ZSWIM6: variants seen among roughly 807,000 people sequenced by gnomAD.
The protein encoded by ZSWIM6 is zinc finger SWIM-type containing 6, also known as zinc finger SWIM domain-containing protein 6.
ZSWIM6 carries 9 observed loss-of-function variants against 113.2 expected under a neutral mutation model. The observed-to-expected ratio is 0.08, with a 90% CI of 0.05 to 0.14. The LOEUF is 0.14. ZSWIM6 is among the 10% of genes least tolerant of loss of function. The pLI is 1.00. For missense variants in ZSWIM6, 1,162 were observed against 1,552.2 expected, an observed-to-expected ratio of 0.75 and a Z score of 4.22; for synonymous variants, 611 against 606.5, an observed-to-expected ratio of 1.01 and a Z score of -0.11.
At chr5:61,382,458 C>T (rs115114130) in intron 1 of ZSWIM6, among the ~76,000 whole-genome samples, 2 of 152,190 alleles carry the variant, frequency 1.3e-5, no homozygotes, top group African/African-American at 4.8e-5. Context: ...TTAATAATTT[C>T]TTCAGTTTTC....
In ZSWIM6 at chr5:61,515,537, G is replaced by A. The variant is rs138188807; in HGVS notation, c.1334-5726G>A. ...CCTTTTATCAGAAACCTACTCCTGC[G>A]ATAACTGACCCACTCCCACCATAAC... On this transcript the variant is annotated intron_variant, in intron 4 of 13. Transcript: ENST00000252744. Among the ~76,000 whole-genome samples, 11 of 152,132 alleles carry A rather than the reference G, an allele frequency of 7.2e-5. No individual in the cohort carries two copies. In the East Asian group the frequency reaches 1.5e-3, roughly 21 times the overall value.
chr5:61,377,566 A>T (rs1047304201), intron 1 of ZSWIM6, among the ~76,000 whole-genome samples: 1 of 152,138 alleles, frequency 6.6e-6, no homozygotes, highest in African/African-American at 2.4e-5. Context: ...AAAAACAAAA[A>T]ATTAGCCGGG....
At chr5:61,350,724 G>A (rs911509787) in intron 1 of ZSWIM6, among the ~76,000 whole-genome samples, 3 of 152,202 alleles carry the variant, frequency 2.0e-5, no homozygotes, top group Admixed American at 6.5e-5. Context: ...AGATACCTGA[G>A]CCATTAGGAG....
chr5:61,498,412 C>A (rs1423083887), intron 4 of ZSWIM6, among the ~76,000 whole-genome samples: 1 of 152,196 alleles, frequency 6.6e-6, no homozygotes, highest in Non-Finnish European at 1.5e-5. Context: ...TCTCAGAGTT[C>A]TTTTCACGGC....
intron 2 of ZSWIM6, among the ~76,000 whole-genome samples, chr5:61,475,006 G>GCA (rs200056262): frequency 0.015 from 2,272 of 152,256 alleles, 65 homozygotes; most frequent in African/African-American, 0.052. Flanking sequence ...CCCTCCAAAA[G>GCA]CACATGTATT....
chr5:61,348,252 A>G lies in ZSWIM6; in HGVS notation c.676+15304A>G, dbSNP rs534763514. 1.2e-4 allele frequency among the ~76,000 whole-genome samples: 19 copies of G among 152,262 alleles called. No homozygotes were observed. In the South Asian group the frequency reaches 3.9e-3, roughly 32 times the overall value. On this transcript the variant is annotated intron_variant, in intron 1 of 13. Transcript: ENST00000252744. ...AAAAAACAAAAGCAAGATTTAAAAAAGAATGTAGTTTGTATTTTTAAAATA... is the reference window on the plus strand; with the variant it reads ...AAAAAACAAAAGCAAGATTTAAAAAGGAATGTAGTTTGTATTTTTAAAATA...
chr5:61,473,251 A>G (rs775903215), intron 2 of ZSWIM6, among the ~76,000 whole-genome samples: 1 of 152,166 alleles, frequency 6.6e-6, no homozygotes, highest in South Asian at 2.1e-4. Flanking sequence ...AAAATCATAC[A>G]TGTTAAAGCT....
chr5:61,521,364 C>T lies in ZSWIM6; in HGVS notation c.1435C>T (p.Pro479Ser). Residue 479 changes from proline (P) to serine (S), a missense_variant, in exon 5 of 14, where the codon CCA becomes TCA. Around this residue, in one of 4 missense-constraint regions of ZSWIM6, gnomAD observed 620 missense variants for 804.6 expected, o/e 0.77. Coordinates refer to ENST00000252744, the MANE Select transcript of ZSWIM6 (RefSeq NM_020928.2). ...LKKWNSVDVC[P>S]WEDGNHGSEL... The stretch of plus-strand genomic sequence containing the variant: ...GAAATGGAATAGTGTTGATGTCTGT[C>T]CATGGGAAGATGGAAATCATGGCAG... The T allele has an allele frequency of 6.5e-7, 1 of 1,530,734 alleles. No homozygotes were observed. Among genetic ancestry groups the T allele is most frequent in the Non-Finnish European group, 8.8e-7 (1 of 1,137,478 alleles). The allele number at this position is 1,530,734 out of a possible 1,614,324, so 94.8% of individuals were successfully genotyped here. A position where few individuals can be genotyped will look rare whatever the true frequency, so the allele number is the denominator to read the frequency against.
At chr5:61,389,573 A>AG (rs1247548850) in intron 1 of ZSWIM6, among the ~76,000 whole-genome samples, 1 of 151,060 alleles carries the variant, frequency 6.6e-6, no homozygotes, top group Non-Finnish European at 1.5e-5. Flanking sequence ...AAAAAAAAAA[A>AG]AAAAGAATCC....
At chr5:61,516,443 C>CATATAT (rs368539108) in intron 4 of ZSWIM6, among the ~76,000 whole-genome samples, 1 of 140,922 alleles carries the variant, frequency 7.1e-6, no homozygotes, top group South Asian at 2.2e-4. Context: ...CAAAAATATA[C>CATATAT]ATATATATAT....
At chr5:61,380,077 C>CT (rs1382685676) in intron 1 of ZSWIM6, among the ~76,000 whole-genome samples, 1 of 151,672 alleles carries the variant, frequency 6.6e-6, no homozygotes, top group Non-Finnish European at 1.5e-5. Context: ...TACTAGATTT[C>CT]TTTTTTTTCT....
At position 61,545,398 on chromosome 5, in the gene ZSWIM6, A is replaced by G. The variant is rs2112300630; in HGVS notation, c.*1081A>G. 6.6e-6 allele frequency: 1 copy of G among 152,244 alleles called. No individual in the cohort carries two copies. The highest frequency in any genetic ancestry group is 2.1e-4 in the South Asian group (1 of 4,814). The allele number at this position is 152,244 out of a possible 1,614,324, so 9.4% of individuals were successfully genotyped here. ...CAGAGCAGCAAGCCTTAGCATTAAG[A>G]ATATACAATATGCCGGAATTGGGGT... On this transcript the variant is annotated 3_prime_UTR_variant, in exon 14 of 14. Coordinates refer to ENST00000252744, the MANE Select transcript of ZSWIM6 (RefSeq NM_020928.2).
chr5:61,367,664 A>G (rs899085631), intron 1 of ZSWIM6, among the ~76,000 whole-genome samples: 8 of 152,202 alleles, frequency 5.3e-5, no homozygotes, highest in Non-Finnish European at 1.2e-4. Flanking sequence ...TCTGGAGTCT[A>G]TGCTTTCTCC....
At chr5:61,492,086 A>G (rs1327527292) in intron 3 of ZSWIM6, among the ~76,000 whole-genome samples, 2 of 152,076 alleles carry the variant, frequency 1.3e-5, no homozygotes, top group African/African-American at 4.8e-5. Context: ...CCATTAGGCT[A>G]TAGATGTACA....
intron 1 of ZSWIM6, among the ~76,000 whole-genome samples, chr5:61,345,232 T>A (rs1423454462): frequency 6.6e-6 from 1 of 152,226 alleles, no homozygotes; most frequent in Non-Finnish European, 1.5e-5. Context: ...CCTGTTCTCT[T>A]GGCTAACTCA....
intron 1 of ZSWIM6, among the ~76,000 whole-genome samples, chr5:61,392,872 A>G (rs1473869020): frequency 2.6e-5 from 4 of 152,010 alleles, no homozygotes; most frequent in African/African-American, 9.7e-5. Flanking sequence ...TCGGCCTCCT[A>G]AAGCACTGGG....
At chr5:61,530,525 A>G (rs538509467) in intron 8 of ZSWIM6, among the ~76,000 whole-genome samples, 3 of 152,348 alleles carry the variant, frequency 2.0e-5, no homozygotes, top group Non-Finnish European at 4.4e-5. Flanking sequence ...TGTACATCTT[A>G]GCATTTAGAA....
At chr5:61,422,933 T>C (rs1391238922) in intron 1 of ZSWIM6, among the ~76,000 whole-genome samples, 2 of 152,210 alleles carry the variant, frequency 1.3e-5, no homozygotes, top group South Asian at 2.1e-4. Flanking sequence ...AATATGTTTA[T>C]CAGAACAAAT....
intron 12 of ZSWIM6, among the ~76,000 whole-genome samples, 156 bp downstream of exon 12, chr5:61,539,915 G>A (rs761213670): frequency 2.5e-4 from 38 of 152,122 alleles, no homozygotes; most frequent in Non-Finnish European, 4.6e-4. Flanking sequence ...TTTCAGAGAC[G>A]TGGTCATTCC....
Sources: allele counts gnomAD v4.1 joint callset (sites outside exome capture counted in the v4.1 genomes callset), GRCh38; gene constraint gnomAD v4.1.1; regional missense constraint gnomAD v4.1.1; transcripts MANE v1.5; gene names NCBI Gene and HGNC (gene_info 2026-07-23, HGNC 2026-07-21).